Variants in CFAP299 observed in about 807,000 individuals in gnomAD.
CFAP299 encodes the protein cilia- and flagella-associated protein 299.
Under a neutral mutation model 27.0 loss-of-function variants are expected in CFAP299, and 21 were observed. That is an observed-to-expected ratio of 0.78 (90% CI 0.55 to 1.12). The LOEUF (loss-of-function observed/expected upper bound fraction) is 1.12. Among genes scored for constraint, CFAP299 ranks in the 50% most tolerant of loss-of-function variants. The pLI is 0.00. For synonymous variants in CFAP299, 104 were observed against 98.1 expected (o/e 1.06, Z -0.36); for missense variants, 310 against 276.6 (o/e 1.12, Z -0.86).
At chr4:80,387,759 GT>G (rs1406303017) in intron 2 of CFAP299, 12 of 1,589,158 alleles carry the variant, frequency 7.6e-6, no homozygotes, top group Non-Finnish European at 9.5e-6. Flanking sequence ...GCAGGTCGAA[GT>G]TTTTGGTGAA....
At chr4:80,329,179 G>T in the CFAP299 span, among the ~76,000 whole-genome samples, 1 of 144,182 alleles carries the variant, frequency 6.9e-6, no homozygotes, top group Non-Finnish European at 1.5e-5. Flanking sequence ...GAAGCCAAAA[G>T]ATTGGATACC....
the CFAP299 span, among the ~76,000 whole-genome samples, chr4:80,323,550 T>C: frequency 6.6e-6 from 1 of 152,310 alleles, no homozygotes; most frequent in East Asian, 1.9e-4. Flanking sequence ...TTTATTTCTG[T>C]TAGTATCCAA....
intron 3 of CFAP299, among the ~76,000 whole-genome samples, chr4:80,829,552 T>A (rs1016909943): frequency 6.6e-6 from 1 of 152,072 alleles, no homozygotes; most frequent in African/African-American, 2.4e-5. Context: ...AATTACCATA[T>A]GATCCAGCAA....
chr4:80,740,373 A>G (rs550514611), intron 3 of CFAP299, among the ~76,000 whole-genome samples: 1 of 152,342 alleles, frequency 6.6e-6, no homozygotes, highest in African/African-American at 2.4e-5. Flanking sequence ...GCTGACTCGC[A>G]GAGATACTGC....
intron 1 of CFAP299, among the ~76,000 whole-genome samples, chr4:80,362,516 A>AT (rs11407016): frequency 0.84 from 126,465 of 151,028 alleles, 53,060 homozygotes; most frequent in African/African-American, 0.89. Flanking sequence ...AGCAATTGAC[A>AT]TTTTTTTTTC....
chr4:80,520,175 C>T (rs1186418921), intron 2 of CFAP299, among the ~76,000 whole-genome samples: 1 of 152,074 alleles, frequency 6.6e-6, no homozygotes, highest in Non-Finnish European at 1.5e-5. Context: ...TTTTCAATAC[C>T]TAATGGGCTA....
At chr4:80,782,318 G>A (rs1726927266) in intron 3 of CFAP299, among the ~76,000 whole-genome samples, 1 of 151,710 alleles carries the variant, frequency 6.6e-6, no homozygotes, top group African/African-American at 2.4e-5. Context: ...AAAGAGATAG[G>A]ATACTGTTTT....
At chr4:80,472,569 A>G (rs1301428245) in intron 2 of CFAP299, among the ~76,000 whole-genome samples, 1 of 152,180 alleles carries the variant, frequency 6.6e-6, no homozygotes, top group Non-Finnish European at 1.5e-5. Flanking sequence ...CATGTTTGTG[A>G]GGACCAAGAA....
rs150044377 is a variant in CFAP299 at position 80,470,435 on chromosome 4, T to C, written c.242+107551T>C. 1.3e-3 allele frequency among the ~76,000 whole-genome samples: 190 copies of C among 150,290 alleles called. 3 individuals are homozygous for C. The East Asian group carries it at 0.031, about 24-fold the overall frequency. ...GCAATATTTTAATAAATCAAATTCATGTTGTCATTACAAACATGGTATCAT... is the reference window on the plus strand; with the variant it reads ...GCAATATTTTAATAAATCAAATTCACGTTGTCATTACAAACATGGTATCAT... On this transcript the variant is annotated intron_variant, in intron 2 of 5. Coordinates refer to ENST00000358105, the MANE Select transcript of CFAP299 (RefSeq NM_152770.3).
intron 3 of CFAP299, among the ~76,000 whole-genome samples, chr4:80,811,189 T>C (rs1560424585): frequency 6.6e-6 from 1 of 152,122 alleles, no homozygotes. Context: ...ATATTTAAAA[T>C]AATAGCAACT....
intron 3 of CFAP299, among the ~76,000 whole-genome samples, chr4:80,800,505 T>TATATAATATATAATATATTGATATATTA (rs1553893480): frequency 0.41 from 1,545 of 3,762 alleles, 205 homozygotes; most frequent in Non-Finnish European, 0.41. Context: ...TATAATATAT[T>TATATAATATATAATATATTGATATATTA]ATATAATATA....
chr4:80,453,508 A>C (rs1728993354), intron 2 of CFAP299, among the ~76,000 whole-genome samples: 1 of 152,110 alleles, frequency 6.6e-6, no homozygotes, highest in Non-Finnish European at 1.5e-5. Context: ...TAAATAATTT[A>C]ATTTTTTTCA....
intron 2 of CFAP299, among the ~76,000 whole-genome samples, chr4:80,391,986 C>T (rs1333772697): frequency 2.0e-5 from 3 of 152,146 alleles, no homozygotes; most frequent in East Asian, 3.9e-4. Context: ...TTTTGGACCT[C>T]GTGACCTGCA....
At chr4:80,753,757 A>G (rs149830832) in intron 3 of CFAP299, among the ~76,000 whole-genome samples, 40 of 152,088 alleles carry the variant, frequency 2.6e-4, no homozygotes, top group African/African-American at 8.9e-4. Context: ...TTTTTCTGCT[A>G]TGTCAAATCT....
chr4:80,413,750 C>CTTTTTTTTTTTT (rs66780627), intron 2 of CFAP299, among the ~76,000 whole-genome samples: 24 of 108,316 alleles, frequency 2.2e-4, no homozygotes, highest in East Asian at 5.9e-4. Flanking sequence ...TTGTGTCATT[C>CTTTTTTTTTTTT]TTTTTTTTTT....
chr4:80,577,688 A>G (rs1222921110), intron 2 of CFAP299, among the ~76,000 whole-genome samples: 2 of 152,208 alleles, frequency 1.3e-5, no homozygotes, highest in African/African-American at 4.8e-5. Flanking sequence ...GGCATGAGCC[A>G]TCACGCCCGA....
intron 2 of CFAP299, among the ~76,000 whole-genome samples, chr4:80,409,050 A>AAAGAGAGAG (rs1726578886): frequency 6.6e-6 from 1 of 151,290 alleles, no homozygotes; most frequent in Admixed American, 6.6e-5. Flanking sequence ...AAAAAAAAAA[A>AAAGAGAGAG]AAAGAGAGAA....
intron 1 of CFAP299, among the ~76,000 whole-genome samples, chr4:80,339,607 A>G (rs939885600): frequency 6.6e-6 from 1 of 152,258 alleles, no homozygotes; most frequent in Non-Finnish European, 1.5e-5. Flanking sequence ...ATAGCTTCAA[A>G]GCATCAAAAG....
chr4:80,569,351 G>C (rs1181290611), intron 2 of CFAP299, among the ~76,000 whole-genome samples: 1 of 151,998 alleles, frequency 6.6e-6, no homozygotes, highest in East Asian at 1.9e-4. Context: ...TATTGGAAAA[G>C]TATATTACTA....
Sources: gnomAD v4.1 joint callset for allele counts (sites outside exome capture counted in the v4.1 genomes callset) on GRCh38, gnomAD v4.1.1 for gene constraint, MANE v1.5 for transcripts, NCBI Gene and HGNC (gene_info 2026-07-23, HGNC 2026-07-21) for gene names.